The following DOCK7 variants were observed in gnomAD, a reference collection of about 807,000 sequenced individuals.
The protein encoded by DOCK7 is dedicator of cytokinesis 7, also known as dedicator of cytokinesis protein 7.
In DOCK7, 138 loss-of-function variants were observed where a neutral mutation model predicts 271.0. The observed-to-expected ratio is 0.51, with a 90% CI of 0.44 to 0.59. The LOEUF is 0.59. Among genes scored for constraint, DOCK7 ranks in the 20% least tolerant of loss-of-function variants. The probability of loss-of-function intolerance (pLI) is 0.00; values close to 1 mark genes in which losing one functional copy is unlikely to be tolerated. For missense variants in DOCK7, 2,066 were observed against 2,592.4 expected (o/e 0.80, Z 4.41); for synonymous variants, 823 against 876.1 (o/e 0.94, Z 1.07).
chr1:62,597,537 C>T (rs769920975), intron 14 of DOCK7: 53 of 1,610,554 alleles, frequency 3.3e-5, no homozygotes, highest in South Asian at 2.1e-4. Flanking sequence ...AACAGTTCCA[C>T]GTTGCTTGAA....
intron 48 of DOCK7, among the ~76,000 whole-genome samples, chr1:62,459,914 A>ATG (rs1318066903): frequency 5.9e-5 from 9 of 152,150 alleles, no homozygotes; most frequent in South Asian, 4.1e-4. Context: ...TCTGGCTAAC[A>ATG]GTGAAACCCC....
At chr1:62,476,033 T>G in intron 45 of DOCK7, 34 bp downstream of exon 45, 1 of 1,597,934 alleles carries the variant, frequency 6.3e-7, no homozygotes. Context: ...TTCAAAGAGA[T>G]GTCTATATGT....
chr1:62,684,318 A>C (rs1458701763), intron 1 of DOCK7, among the ~76,000 whole-genome samples: 1 of 152,228 alleles, frequency 6.6e-6, no homozygotes, highest in Non-Finnish European at 1.5e-5. Flanking sequence ...GAAAATGATA[A>C]CAACAGTAAG....
intron 14 of DOCK7, among the ~76,000 whole-genome samples, chr1:62,596,708 T>C (rs1649304965): frequency 6.6e-6 from 1 of 152,130 alleles, no homozygotes; most frequent in African/African-American, 2.4e-5. Context: ...GTTACTAAGC[T>C]AACAAACTTC....
chr1:62,573,698 C>G (rs553265418), intron 18 of DOCK7, among the ~76,000 whole-genome samples: 115 of 152,212 alleles, frequency 7.6e-4, no homozygotes, highest in Admixed American at 2.2e-3. Context: ...TGTGAATATA[C>G]TTAAGGCTAC....
intron 31 of DOCK7, among the ~76,000 whole-genome samples, chr1:62,527,164 T>C (rs1645035034): frequency 6.6e-6 from 1 of 152,212 alleles, no homozygotes; most frequent in South Asian, 2.1e-4. Flanking sequence ...AACTTGATCT[T>C]GCTCTATTGG....
At chr1:62,481,008 C>CAAAAA (rs35993847) in intron 43 of DOCK7, among the ~76,000 whole-genome samples, 2,529 of 93,688 alleles carry the variant, frequency 0.027, 187 homozygotes, top group Middle Eastern at 0.037. Flanking sequence ...GACTCCGTCT[C>CAAAAA]AAAAAAAAAA....
intron 48 of DOCK7, among the ~76,000 whole-genome samples, chr1:62,467,516 A>G (rs1482229629): frequency 6.6e-6 from 1 of 152,252 alleles, no homozygotes; most frequent in Non-Finnish European, 1.5e-5. Context: ...CTTCTTTTAC[A>G]ATATGGACTG....
Position 62,475,796 on chromosome 1 carries a change from G to T in DOCK7, c.5872C>A (p.His1958Asn), listed in dbSNP as rs1645953167. The change falls in exon 46 of 50, where the codon CAT becomes AAT. Residue 1958 changes from histidine to asparagine, a missense_variant. This residue lies in a region of DOCK7 where 652 missense variants were observed against 922.1 expected (regional missense o/e 0.71). Transcript: ENST00000635253. ...TLDGRAHGEL[H>N]EQFKRKTILT... is the part of the protein sequence containing the mutation. ...ATGGTCTTCCTTTTGAATTGTTCAT[G>T]AAGTTCCCCATGGGCACGGCCATCT... 3.1e-6 allele frequency: 5 copies of T among 1,614,034 alleles called. No individual in the cohort carries two copies. In the East Asian group the frequency reaches 1.1e-4, roughly 36 times the overall value.
chr1:62,542,841 A>G (rs1016727715), intron 24 of DOCK7, 138 bp from the exon 25 acceptor site: 25 of 645,032 alleles, frequency 3.9e-5, no homozygotes, highest in Non-Finnish European at 6.1e-5. Context: ...GATGCACTGA[A>G]GACACCCATT....
intron 48 of DOCK7, among the ~76,000 whole-genome samples, chr1:62,466,479 G>C (rs1356746291): frequency 6.6e-6 from 1 of 152,132 alleles, no homozygotes; most frequent in Non-Finnish European, 1.5e-5. Flanking sequence ...CCCAATTTAT[G>C]GATTGGCTCC....
In DOCK7 at chr1:62,510,461, A is replaced by C. The variant is rs1016347058; in HGVS notation, c.4379+116T>G. 7.3e-5 allele frequency: 45 copies of C among 618,486 alleles called. No individual in the cohort carries two copies. In the African/African-American group the frequency reaches 7.9e-4, roughly 11 times the overall value. 38.3% of individuals were successfully genotyped at this position (618,486 alleles called of 1,614,324 possible). A position where few individuals can be genotyped will look rare whatever the true frequency, so the allele number is the denominator to read the frequency against. ...TAAATATTTTGTTCTCTAAGACTTA[A>C]TATATTTATTAAGTGTAAATACTAA... On this transcript the variant is annotated intron_variant, in intron 34 of 49. Coordinates refer to ENST00000635253, the MANE Select transcript of DOCK7 (RefSeq NM_001367561.1).
At chr1:62,511,238 G>T (rs6687067) in intron 33 of DOCK7, 1 of 152,224 alleles carries the variant, frequency 6.6e-6, no homozygotes, top group African/African-American at 2.4e-5. Context: ...CTTAAGAACA[G>T]AAATGATATG....
At chr1:62,470,301 G>T (rs1645794766) in intron 48 of DOCK7, among the ~76,000 whole-genome samples, 1 of 152,176 alleles carries the variant, frequency 6.6e-6, no homozygotes, top group Non-Finnish European at 1.5e-5. Flanking sequence ...TATTCTAAGT[G>T]AAGTAACTCA....
chr1:62,479,373 A>G (rs191158884), intron 43 of DOCK7, among the ~76,000 whole-genome samples: 47 of 152,282 alleles, frequency 3.1e-4, no homozygotes, highest in Admixed American at 5.9e-4. Flanking sequence ...AAGAAAGTTG[A>G]GGCTTCTAAT....
chr1:62,650,772 G>A (rs565245841), intron 4 of DOCK7, among the ~76,000 whole-genome samples: 143 of 151,454 alleles, frequency 9.4e-4, no homozygotes, highest in African/African-American at 3.1e-3. Context: ...TTAGAATGGC[G>A]ATCATTAAAA....
At chr1:62,494,651 T>A in intron 39 of DOCK7, 184 bp from the exon 40 acceptor site, 1 of 329,948 alleles carries the variant, frequency 3.0e-6, no homozygotes. Flanking sequence ...ATGGAATGGA[T>A]AATATCAGTT....
At chr1:62,455,597 C>A in intron 49 of DOCK7, 141 bp from the exon 50 acceptor site, 1 of 717,020 alleles carries the variant, frequency 1.4e-6, no homozygotes. Flanking sequence ...GGATGCTCAT[C>A]CTACCTACTC....
chr1:62,505,572 T>C, intron 36 of DOCK7, 110 bp downstream of exon 36: 1 of 1,185,454 alleles, frequency 8.4e-7, no homozygotes, highest in Non-Finnish European at 1.2e-6. Flanking sequence ...ACTACACATA[T>C]TCATTAATAT....
Sources: gnomAD v4.1 joint callset for allele counts (sites outside exome capture counted in the v4.1 genomes callset) on GRCh38, gnomAD v4.1.1 for gene constraint, gnomAD v4.1.1 regional missense constraint, MANE v1.5 for transcripts, NCBI Gene and HGNC (gene_info 2026-07-23, HGNC 2026-07-21) for gene names.